Variants in THEMIS observed in about 807,000 individuals in gnomAD.
THEMIS encodes the protein thymocyte selection associated.
Under a neutral mutation model 52.6 loss-of-function variants are expected in THEMIS, and 37 were observed. The ratio of observed to expected loss-of-function variants is 0.70; its 90% CI spans 0.54 to 0.93. The LOEUF is 0.93. Ranked by LOEUF, THEMIS falls within the 40% of genes least tolerant of loss-of-function variation. The pLI is 0.00. For missense variants in THEMIS, 808 were observed against 763.1 expected (o/e 1.06, Z -0.69); for synonymous variants, 292 against 272.7 (o/e 1.07, Z -0.70).
chr6:127,740,244 C>T (rs1267383072), intron 4 of THEMIS, among the ~76,000 whole-genome samples: 1 of 151,906 alleles, frequency 6.6e-6, no homozygotes, highest in African/African-American at 2.4e-5. Flanking sequence ...TTAAAATCCC[C>T]GTGAAATTAA....
chr6:127,862,016 C>T (rs932500326), intron 1 of THEMIS, among the ~76,000 whole-genome samples: 6 of 151,948 alleles, frequency 3.9e-5, no homozygotes, highest in African/African-American at 1.5e-4. Flanking sequence ...GTCTTCACCA[C>T]GGATAGTTTT....
rs141479425 is a variant in THEMIS, at chr6:127,817,671, C to T, written c.710-3740G>A. 1.8e-4 allele frequency among the ~76,000 whole-genome samples: 27 copies of T among 152,116 alleles called. 1 individual carries two copies. In the East Asian group the frequency reaches 3.7e-3, roughly 21 times the overall value. On this transcript the variant is annotated intron_variant, in intron 3 of 5. Transcript: ENST00000368248. Reference sequence around the variant, plus strand: ...TCACCAGAGAATTGAGGTCACAGGGCAAACCACCACCCCAAAAACTAGACA... The same window carrying T: ...TCACCAGAGAATTGAGGTCACAGGGTAAACCACCACCCCAAAAACTAGACA...
rs150100310 is a variant in THEMIS, at chr6:127,900,860, C to T, written c.73G>A (p.Ala25Thr). ...RTLPRVLEIQ[A>T]GIYLEGSIYE... ...TGCTTACCTTCAAGATAGATGCCTG[C>T]CTGGATTTCTAGAACCCTGGGTAGG... The change falls in exon 1 of 6, where the codon GCA becomes ACA. Residue 25 changes from alanine to threonine, a missense_variant. By Grantham distance (58) the Ala-to-Thr change is moderately conservative. Coordinates refer to ENST00000368248, the MANE Select transcript of THEMIS (RefSeq NM_001010923.3). 1.1e-5 allele frequency: 18 copies of T among 1,613,058 alleles called. No individual in the cohort carries two copies. The highest frequency in any genetic ancestry group is 1.4e-5 in the Non-Finnish European group (16 of 1,179,334).
At chr6:127,913,473 C>CA (rs146679108) in intron 1 of THEMIS, among the ~76,000 whole-genome samples, 73 of 151,608 alleles carry the variant, frequency 4.8e-4, no homozygotes, top group African/African-American at 1.6e-3. Context: ...GAAATGTTTT[C>CA]AAAAAAAACA....
At chr6:127,752,935 C>T (rs968269652) in intron 4 of THEMIS, among the ~76,000 whole-genome samples, 53 of 151,684 alleles carry the variant, frequency 3.5e-4, no homozygotes, top group Non-Finnish European at 1.5e-4. Flanking sequence ...TATTAGCAAA[C>T]CGAATTCAAT....
At chr6:127,757,661 T>C (rs1451098929) in intron 4 of THEMIS, among the ~76,000 whole-genome samples, 1 of 152,060 alleles carries the variant, frequency 6.6e-6, no homozygotes, top group Non-Finnish European at 1.5e-5. Context: ...TTTTCGTATT[T>C]TTTAGTAGAG....
intron 3 of THEMIS, among the ~76,000 whole-genome samples, chr6:127,825,904 G>A (rs1387852708): frequency 6.6e-6 from 1 of 152,090 alleles, no homozygotes; most frequent in African/African-American, 2.4e-5. Context: ...CGTCATCGCA[G>A]AAAAACAGTT....
chr6:127,820,657 C>G (rs1316760394), intron 3 of THEMIS, among the ~76,000 whole-genome samples: 1 of 151,954 alleles, frequency 6.6e-6, no homozygotes, highest in Admixed American at 6.6e-5. Flanking sequence ...GGGAGTCTAC[C>G]TTTCTTTCTA....
chr6:127,777,184 T>G (rs928943874), intron 4 of THEMIS, among the ~76,000 whole-genome samples: 43 of 151,528 alleles, frequency 2.8e-4, no homozygotes, highest in African/African-American at 1.0e-3. Flanking sequence ...ATTTAACACC[T>G]TGGGTTTTTT....
chr6:127,724,827 G>A (rs779568603), intron 4 of THEMIS, among the ~76,000 whole-genome samples: 1 of 151,944 alleles, frequency 6.6e-6, no homozygotes, highest in Non-Finnish European at 1.5e-5. Flanking sequence ...ACCAAAAAAA[G>A]TTAACCAAGA....
chr6:127,917,572 A>G lies in THEMIS; in HGVS notation c.-150+856T>C, dbSNP rs145289961. Among the ~76,000 whole-genome samples the G allele has an allele frequency of 2.0e-4, 31 of 152,260 alleles. No individual in the cohort carries two copies. The East Asian group carries it at 5.0e-3, about 25-fold the overall frequency. On this transcript the variant is annotated intron_variant, in intron 1 of 6. Transcript: ENST00000368250. ...ATGACCATTGTTTTAGGTACTTTTA[A>G]TCTATCTGCCCAGCTCCTAGTCATG...
intron 4 of THEMIS, among the ~76,000 whole-genome samples, chr6:127,730,277 T>TAAAGA (rs200876150): frequency 0.13 from 7,044 of 54,644 alleles, 240 homozygotes; most frequent in Non-Finnish European, 0.19. Context: ...CTATAGGAAA[T>TAAAGA]AAAGAAAAGA....
the THEMIS span, among the ~76,000 whole-genome samples, chr6:127,700,384 A>T: frequency 7.2e-5 from 11 of 151,912 alleles, no homozygotes; most frequent in Admixed American, 7.2e-4. Context: ...ACAAAAAAAA[A>T]ATTAAACGTC....
At chr6:127,738,402 G>A (rs1775079995) in intron 4 of THEMIS, among the ~76,000 whole-genome samples, 1 of 152,162 alleles carries the variant, frequency 6.6e-6, no homozygotes, top group South Asian at 2.1e-4. Context: ...AAAGGCCTTA[G>A]TGTGGTTTAG....
chr6:127,870,459 GA>G (rs1487867772), intron 1 of THEMIS, among the ~76,000 whole-genome samples: 5 of 152,030 alleles, frequency 3.3e-5, no homozygotes, highest in Non-Finnish European at 7.4e-5. Flanking sequence ...AGAACAAACA[GA>G]AAATTAAAAA....
chr6:127,860,246 T>C (rs1284615610), intron 1 of THEMIS, among the ~76,000 whole-genome samples: 2 of 152,128 alleles, frequency 1.3e-5, no homozygotes, highest in Admixed American at 6.6e-5. Flanking sequence ...GAGCATGATA[T>C]TTTAATGCAG....
intron 4 of THEMIS, among the ~76,000 whole-genome samples, chr6:127,768,326 G>A (rs1776266862): frequency 6.6e-6 from 1 of 152,026 alleles, no homozygotes; most frequent in Non-Finnish European, 1.5e-5. Flanking sequence ...TGTGTTTCCG[G>A]ATTTGTTAAC....
chr6:127,787,736 G>A (rs1469876055), intron 4 of THEMIS, among the ~76,000 whole-genome samples: 1 of 151,970 alleles, frequency 6.6e-6, no homozygotes, highest in Admixed American at 6.6e-5. Context: ...AATGACATCT[G>A]TATTATCTAA....
chr6:127,914,997 A>G (rs962167438), intron 1 of THEMIS, among the ~76,000 whole-genome samples: 9 of 152,206 alleles, frequency 5.9e-5, no homozygotes, highest in Non-Finnish European at 1.0e-4. Context: ...ACTTATTGAT[A>G]TTGAACCATT....
Sources: gnomAD v4.1 joint callset for allele counts (sites outside exome capture counted in the v4.1 genomes callset) on GRCh38, gnomAD v4.1.1 for gene constraint, MANE v1.5 for transcripts, NCBI Gene and HGNC (gene_info 2026-07-23, HGNC 2026-07-21) for gene names.